The following MYBPC1 variants were observed in gnomAD, a reference collection of about 807,000 sequenced individuals.
MYBPC1 encodes the protein myosin binding protein C1.
In MYBPC1, 52 loss-of-function variants were observed where a neutral mutation model predicts 147.1. The observed-to-expected ratio is 0.35, with a 90% CI of 0.28 to 0.45. The LOEUF (loss-of-function observed/expected upper bound fraction) is 0.45, where lower values mean the gene tolerates loss of function less well. Ranked by LOEUF, MYBPC1 falls within the 20% of genes least tolerant of loss-of-function variation. The pLI, the probability that MYBPC1 is intolerant of heterozygous loss-of-function variation, is 1.00. For missense variants in MYBPC1, 1,228 were observed against 1,440.3 expected (o/e 0.85, Z 2.39); for synonymous variants, 477 against 475.9 (o/e 1.00, Z -0.03).
chr12:101,673,754 T>A (rs1029578584), intron 25 of MYBPC1, 132 bp downstream of exon 25: 142 of 1,017,598 alleles, frequency 1.4e-4, no homozygotes, highest in Non-Finnish European at 1.1e-4. Flanking sequence ...ATTTATTTTT[T>A]AAAAATAGAT....
chr12:101,664,245 G>C (rs1437841447), intron 22 of MYBPC1, among the ~76,000 whole-genome samples: 2 of 152,068 alleles, frequency 1.3e-5, no homozygotes, highest in Non-Finnish European at 2.9e-5. Flanking sequence ...AAGAAAATAT[G>C]GGCCAGAATT....
At position 101,655,129 on chromosome 12, in the gene MYBPC1, G is replaced by A. The variant is rs183582225; in HGVS notation, c.1767+1881G>A. ...TCACATGTAAATTAGAATAGCAGTC[G>A]AGCATATGAAAATAGTTATTTTAAG... On this transcript the variant is annotated intron_variant, in intron 18 of 31. Coordinates refer to ENST00000361466, the MANE Select transcript of MYBPC1 (RefSeq NM_002465.4). Among the ~76,000 whole-genome samples the A allele has an allele frequency of 4.0e-3, 606 of 152,102 alleles. 4 individuals carry two copies. Among genetic ancestry groups the A allele is most frequent in the Admixed American group, 7.1e-3 (108 of 15,260 alleles).
intron 1 of MYBPC1, among the ~76,000 whole-genome samples, chr12:101,606,387 C>T (rs1882177492): frequency 6.6e-6 from 1 of 151,982 alleles, no homozygotes; most frequent in Admixed American, 6.6e-5. Context: ...ATCATTTTGA[C>T]CTGGTAAACT....
intron 10 of MYBPC1, among the ~76,000 whole-genome samples, chr12:101,640,297 C>G (rs2136159367): frequency 6.6e-6 from 1 of 152,294 alleles, no homozygotes; most frequent in African/African-American, 2.4e-5. Flanking sequence ...CAAGACTGAG[C>G]CACTTCACCC....
At chr12:101,620,162 A>G (rs1887049707) in intron 3 of MYBPC1, among the ~76,000 whole-genome samples, 2 of 152,184 alleles carry the variant, frequency 1.3e-5, no homozygotes, top group Admixed American at 1.3e-4. Context: ...GAGAGATGAC[A>G]ATAAAGAAAT....
At chr12:101,650,549 A>G (rs1339973704) in intron 15 of MYBPC1, among the ~76,000 whole-genome samples, 1 of 152,328 alleles carries the variant, frequency 6.6e-6, no homozygotes. Flanking sequence ...CTCAGTCACT[A>G]TCATGAGAAC....
intron 1 of MYBPC1, among the ~76,000 whole-genome samples, chr12:101,612,070 C>T (rs774625372): frequency 1.1e-3 from 141 of 127,538 alleles, no homozygotes; most frequent in Middle Eastern, 4.5e-3. Flanking sequence ...AGCGAGACTC[C>T]ATCTCAAAAA....
downstream of MYBPC1, among the ~76,000 whole-genome samples, chr12:101,689,992 TG>T (rs1477222735): frequency 6.6e-6 from 1 of 152,146 alleles, no homozygotes; most frequent in African/African-American, 2.4e-5. Context: ...CTGGCCAACA[TG>T]GCGAAAACCC....
the MYBPC1 span, among the ~76,000 whole-genome samples, chr12:101,691,933 G>A: frequency 6.6e-6 from 1 of 152,240 alleles, no homozygotes; most frequent in Non-Finnish European, 1.5e-5. Context: ...AAGGTACAAA[G>A]TGCTCTGGTT....
intron 2 of MYBPC1, chr12:101,614,836 C>T: frequency 2.3e-6 from 1 of 442,138 alleles, no homozygotes; most frequent in East Asian, 4.6e-5. Flanking sequence ...GCTGAGCCTC[C>T]ATCCAAGGGG....
intron 1 of MYBPC1, among the ~76,000 whole-genome samples, chr12:101,606,236 A>AC (rs59872092): frequency 4.0e-5 from 6 of 151,558 alleles, no homozygotes; most frequent in African/African-American, 1.2e-4. Context: ...ACACACACAC[A>AC]AGAATGCACA....
At chr12:101,644,356 C>T (rs938160054) in intron 11 of MYBPC1, among the ~76,000 whole-genome samples, 6 of 152,128 alleles carry the variant, frequency 3.9e-5, no homozygotes, top group African/African-American at 1.4e-4. Flanking sequence ...TTTTAAAGTT[C>T]ACTTTCATCT....
chr12:101,616,302 T>C (rs2135843886), intron 2 of MYBPC1, among the ~76,000 whole-genome samples: 1 of 152,320 alleles, frequency 6.6e-6, no homozygotes, highest in South Asian at 2.1e-4. Flanking sequence ...TTGACCAACA[T>C]TGAGTACACT....
intron 3 of MYBPC1, among the ~76,000 whole-genome samples, chr12:101,618,512 G>C (rs1489317478): frequency 6.6e-6 from 1 of 152,174 alleles, no homozygotes; most frequent in Non-Finnish European, 1.5e-5. Context: ...ATACACCTCT[G>C]TTTCCAAATT....
chr12:101,630,580 G>A (rs550734427), intron 6 of MYBPC1, among the ~76,000 whole-genome samples: 73 of 152,222 alleles, frequency 4.8e-4, no homozygotes, highest in Admixed American at 3.5e-3. Flanking sequence ...CTACACATGC[G>A]CTAGGTCATA....
At chr12:101,673,803 A>G (rs1899242729) in intron 25 of MYBPC1, among the ~76,000 whole-genome samples, 181 bp downstream of exon 25, 1 of 152,194 alleles carries the variant, frequency 6.6e-6, no homozygotes, top group South Asian at 2.1e-4. Context: ...CTGTAATCCC[A>G]GTACTTTGGG....
intron 5 of MYBPC1, chr12:101,629,104 C>A: frequency 5.4e-6 from 2 of 369,676 alleles, no homozygotes; most frequent in South Asian, 4.4e-5. Flanking sequence ...CACTGGCCAC[C>A]ATTGTTTACC....
chr12:101,694,061 A>G, the MYBPC1 span, among the ~76,000 whole-genome samples: 1 of 152,216 alleles, frequency 6.6e-6, no homozygotes, highest in Non-Finnish European at 1.5e-5. Context: ...CTCTGACACC[A>G]TCGAGCTGCC....
the MYBPC1 span, among the ~76,000 whole-genome samples, chr12:101,691,962 T>C: frequency 6.6e-6 from 1 of 152,110 alleles, no homozygotes; most frequent in African/African-American, 2.4e-5. Context: ...GTAAGAGGGA[T>C]CAAACTGGAA....
Sources: allele counts gnomAD v4.1 joint callset (sites outside exome capture counted in the v4.1 genomes callset), GRCh38; gene constraint gnomAD v4.1.1; transcripts MANE v1.5; gene names NCBI Gene and HGNC (gene_info 2026-07-23, HGNC 2026-07-21).